Variants in NSMCE2 observed in about 807,000 individuals in gnomAD.
NSMCE2 encodes NSE2 SUMO ligase component of SMC5/6 complex.
In NSMCE2, 24 loss-of-function variants were observed where a neutral mutation model predicts 23.8. The observed-to-expected ratio is 1.01, with a 90% CI of 0.73 to 1.42. The LOEUF (loss-of-function observed/expected upper bound fraction) is 1.42, where lower values mean the gene tolerates loss of function less well. NSMCE2 is among the 40% of genes most tolerant of loss of function. NSMCE2 has a pLI of 0.00. For synonymous variants in NSMCE2, 92 were observed against 94.1 expected (o/e 0.98, Z 0.13); for missense variants, 284 against 296.5 (o/e 0.96, Z 0.31).
intron 4 of NSMCE2, among the ~76,000 whole-genome samples, chr8:125,165,524 T>G (rs553694921): frequency 1.3e-5 from 2 of 152,358 alleles, no homozygotes; most frequent in South Asian, 4.1e-4. Context: ...AACAGTGGTT[T>G]AATGATATTA....
chr8:125,147,656 G>A (rs955579722), intron 3 of NSMCE2, among the ~76,000 whole-genome samples: 4 of 152,082 alleles, frequency 2.6e-5, no homozygotes, highest in African/African-American at 7.2e-5. Context: ...AAGAGTGGGA[G>A]AATTTTGATG....
chr8:125,366,668 C>A (rs566051376), intron 7 of NSMCE2, 100 bp from the exon 8 acceptor site: 1 of 735,750 alleles, frequency 1.4e-6, no homozygotes, highest in East Asian at 2.5e-5. Flanking sequence ...TGACACTTTT[C>A]CTTTTTCAGT....
intron 1 of NSMCE2, among the ~76,000 whole-genome samples, chr8:125,101,684 G>A (rs1305979964): frequency 6.6e-6 from 1 of 152,178 alleles, no homozygotes; most frequent in East Asian, 1.9e-4. Context: ...TGAAGATATA[G>A]ATTAGGAAGT....
intron 5 of NSMCE2, among the ~76,000 whole-genome samples, chr8:125,324,572 C>A (rs982563240): frequency 5.1e-5 from 3 of 59,320 alleles, no homozygotes; most frequent in Non-Finnish European, 6.9e-5. Flanking sequence ...TGATAAAATT[C>A]TTTTTTTTTT....
chr8:125,257,065 C>T (rs1346155529), intron 5 of NSMCE2, among the ~76,000 whole-genome samples: 1 of 149,440 alleles, frequency 6.7e-6, no homozygotes, highest in East Asian at 2.0e-4. Context: ...GGGCAGATCA[C>T]TTGAGGTCAG....
intron 2 of NSMCE2, 56 bp downstream of exon 2, chr8:125,102,202 A>C: frequency 1.4e-6 from 1 of 732,076 alleles, no homozygotes; most frequent in Non-Finnish European, 2.3e-6. Context: ...ATAGTGTGGC[A>C]TTTATGAGAT....
At chr8:125,344,489 AG>A (rs1830363569) in intron 5 of NSMCE2, among the ~76,000 whole-genome samples, 1 of 152,180 alleles carries the variant, frequency 6.6e-6, no homozygotes, top group Non-Finnish European at 1.5e-5. Flanking sequence ...CACACCTGTA[AG>A]CCCAGCACTT....
At chr8:125,316,707 CTT>C (rs1563780130) in intron 5 of NSMCE2, among the ~76,000 whole-genome samples, 7 of 91,588 alleles carry the variant, frequency 7.6e-5, no homozygotes, top group Non-Finnish European at 1.2e-4. Flanking sequence ...TCCTTCCTTC[CTT>C]CTTTCCTTCT....
chr8:125,335,550 T>A (rs1476019331), intron 5 of NSMCE2, among the ~76,000 whole-genome samples: 1 of 152,138 alleles, frequency 6.6e-6, no homozygotes, highest in Non-Finnish European at 1.5e-5. Context: ...AGGAGGTAAC[T>A]AAAAATTTCC....
chr8:125,339,690 C>T (rs115225408), intron 5 of NSMCE2, among the ~76,000 whole-genome samples: 179 of 152,252 alleles, frequency 1.2e-3, no homozygotes, highest in African/African-American at 4.0e-3. Context: ...CTTTGCTCAT[C>T]CTACTCCTTC....
At chr8:125,260,671 C>T (rs1425558100) in intron 5 of NSMCE2, among the ~76,000 whole-genome samples, 1 of 151,614 alleles carries the variant, frequency 6.6e-6, no homozygotes, top group Non-Finnish European at 1.5e-5. Context: ...GTTACCCAGG[C>T]TGGAGTGCAG....
rs960328460 is a variant in NSMCE2, at chr8:125,250,204, G to A, written c.418+67948G>A. 2.0e-5 allele frequency among the ~76,000 whole-genome samples: 3 copies of A among 152,144 alleles called. No individual in the cohort carries two copies. In the South Asian group the frequency reaches 6.2e-4, roughly 31 times the overall value. ...GGGGTTTCACCATGTTGGCCAGGCT[G>A]TTCTAGAACTCCTGACCTTGGGTGA... On this transcript the variant is annotated intron_variant, in intron 5 of 7. Coordinates refer to ENST00000287437, the MANE Select transcript of NSMCE2 (RefSeq NM_173685.4).
intron 5 of NSMCE2, among the ~76,000 whole-genome samples, chr8:125,183,634 G>GGTTGTGTGTGTGTGTGTGTGTGTGTGTGT (rs71515999): frequency 8.1e-5 from 12 of 147,588 alleles, no homozygotes; most frequent in African/African-American, 2.7e-4. Context: ...ATTACTCAGT[G>GGTTGTGTGTGTGTGTGTGTGTGTGTGTGT]GTGTGTGTGT....
At chr8:125,259,391 G>A (rs1010513797) in intron 5 of NSMCE2, among the ~76,000 whole-genome samples, 1 of 152,162 alleles carries the variant, frequency 6.6e-6, no homozygotes, top group Non-Finnish European at 1.5e-5. Flanking sequence ...TCAGATCAGC[G>A]GTGGCATTAG....
intron 5 of NSMCE2, among the ~76,000 whole-genome samples, chr8:125,212,839 G>A (rs1015251778): frequency 2.0e-5 from 3 of 152,186 alleles, no homozygotes; most frequent in Non-Finnish European, 2.9e-5. Context: ...TCTAATCACC[G>A]AGGCATGTAC....
chr8:125,191,245 C>G (rs1823331105), intron 5 of NSMCE2, among the ~76,000 whole-genome samples: 1 of 152,088 alleles, frequency 6.6e-6, no homozygotes, highest in East Asian at 1.9e-4. Flanking sequence ...AGAAAATAAG[C>G]AAAGAGATGT....
chr8:125,348,093 G>C (rs965031488), intron 5 of NSMCE2: 1 of 152,176 alleles, frequency 6.6e-6, no homozygotes, highest in African/African-American at 2.4e-5. Context: ...GTAGGTGTCT[G>C]TTCTGTGTGA....
chr8:125,257,248 C>T (rs1249801582), intron 5 of NSMCE2, among the ~76,000 whole-genome samples: 2 of 150,576 alleles, frequency 1.3e-5, no homozygotes, highest in Non-Finnish European at 3.0e-5. Flanking sequence ...TGTGTCACTG[C>T]ACTCCAACCT....
chr8:125,316,093 C>A (rs886273534), intron 5 of NSMCE2, among the ~76,000 whole-genome samples: 3 of 152,170 alleles, frequency 2.0e-5, no homozygotes, highest in Non-Finnish European at 4.4e-5. Context: ...AGGTATGAGC[C>A]ACTACACCTG....
Sources: allele counts gnomAD v4.1 joint callset (sites outside exome capture counted in the v4.1 genomes callset), GRCh38; gene constraint gnomAD v4.1.1; transcripts MANE v1.5; gene names NCBI Gene and HGNC (gene_info 2026-07-23, HGNC 2026-07-21).